MYLK2: variants seen among roughly 807,000 people sequenced by gnomAD.
MYLK2 encodes the protein myosin light chain kinase 2.
In MYLK2, 27 loss-of-function variants were observed where a neutral mutation model predicts 58.2. That is an observed-to-expected ratio of 0.46 (90% CI 0.34 to 0.64). The LOEUF (loss-of-function observed/expected upper bound fraction) is 0.64, where lower values mean the gene tolerates loss of function less well. Among genes scored for constraint, MYLK2 ranks in the 30% least tolerant of loss-of-function variants. MYLK2 has a pLI of 0.01. For synonymous variants in MYLK2, 310 were observed against 296.7 expected, an observed-to-expected ratio of 1.04 and a Z score of -0.46; for missense variants, 676 against 764.3, an observed-to-expected ratio of 0.88 and a Z score of 1.36.
intron 6 of MYLK2, among the ~76,000 whole-genome samples, chr20:31,824,961 G>A (rs557601029): frequency 1.3e-5 from 2 of 152,356 alleles, no homozygotes; most frequent in African/African-American, 2.4e-5. Context: ...AGGGGTCAGG[G>A]AAGCTTCCTG....
intron 5 of MYLK2, 158 bp from the exon 6 acceptor site, chr20:31,824,101 G>A (rs1600409307): frequency 6.1e-6 from 6 of 985,464 alleles, no homozygotes; most frequent in Non-Finnish European, 7.2e-6. Context: ...CACAGCTTCA[G>A]GAGGGAGTCA....
chr20:31,820,476 G>C lies in MYLK2; in HGVS notation c.403G>C (p.Gly135Arg), dbSNP rs750838459. Residue 135 changes from glycine to arginine, a missense_variant, in exon 3 of 13, where the codon GGC (glycine) becomes CGC (arginine). Physicochemically the swap from Gly to Arg is moderately radical, Grantham distance 125. This residue lies in a region of MYLK2 where 306 missense variants were observed against 296.5 expected (regional missense o/e 1.03). Transcript: ENST00000375985. ...CAGGGTGGGCAAGAAGGCAGCAGAG[G>C]GCCAAGCAGCAGCCAGGAGGGGCTC... ...KPRVGKKAAE[G>R]QAAARRGSPA... 3.1e-6 allele frequency: 5 copies of C among 1,610,120 alleles called. No individual in the cohort carries two copies. The highest frequency in any genetic ancestry group is 4.2e-6 in the Non-Finnish European group (5 of 1,180,014).
In MYLK2 at chr20:31,823,495, C is replaced by T. The variant is rs142620954; in HGVS notation, c.791C>T (p.Pro264Leu). The T allele has an allele frequency of 7.9e-4, 1,272 of 1,613,344 alleles. 14 individuals carry two copies. The highest frequency in any genetic ancestry group is 1.6e-4 in the Middle Eastern group (1 of 6,062). The change falls in exon 5 of 13, where the codon CCG (proline) becomes CTG (leucine). Residue 264 changes from proline (P) to leucine (L), a missense_variant. By Grantham distance (98) the Pro-to-Leu change is moderately conservative (BLOSUM62 -3). Coordinates refer to ENST00000375985, the MANE Select transcript of MYLK2 (RefSeq NM_033118.4). ...CCCCCAGATGATTGCCCGCCACCTC[C>T]GGCCCCCTTCCCTCACCGCATGGTG... is the stretch of plus-strand genomic sequence containing the variant. ...FQILDDCPPP[P>L]APFPHRMVEL...
rs2062246056 is a variant in MYLK2 at position 31,820,349 on chromosome 20, G to A, written c.276G>A (p.Gly92=). 1.2e-6 allele frequency: 2 copies of A among 1,612,724 alleles called. No individual in the cohort carries two copies. Among genetic ancestry groups the A allele is most frequent in the South Asian group, 1.1e-5 (1 of 91,062 alleles). ...RGGGPAEGSA[G]PPAALPQQTA... is the part of the protein sequence containing the mutation. ...GGGGGCCCGCGGAGGGCAGTGCTGG[G>A]CCCCCGGCAGCCCTGCCCCAGCAGA... is the stretch of plus-strand genomic sequence containing the variant. The change falls in exon 3 of 13, where the codon GGG becomes GGA. Residue 92 remains glycine, a synonymous_variant. Transcript: ENST00000375985.
chr20:31,823,873 G>T (rs2062264972), intron 5 of MYLK2: 1 of 895,132 alleles, frequency 1.1e-6, no homozygotes, highest in Non-Finnish European at 1.3e-6. Flanking sequence ...ACCCCCTCAT[G>T]GTGATTCCTG....
intron 5 of MYLK2, chr20:31,823,898 C>T (rs895418033): frequency 3.1e-6 from 3 of 977,912 alleles, no homozygotes; most frequent in Middle Eastern, 5.2e-4. Context: ...GTAAAAAGCC[C>T]TGACTCAGTC....
intron 5 of MYLK2, chr20:31,824,017 C>T (rs570973250): frequency 1.4e-4 from 134 of 985,442 alleles, no homozygotes; most frequent in Non-Finnish European, 1.5e-4. Context: ...CCTCCCTACA[C>T]GCCTGCTCTT....
chr20:31,831,257 TC>T, intron 10 of MYLK2, 116 bp downstream of exon 10: 1 of 1,471,624 alleles, frequency 6.8e-7, no homozygotes, highest in Non-Finnish European at 9.4e-7. Flanking sequence ...TATCCCTCAG[TC>T]AGGGGTTTGC....
rs773451333 is a variant in MYLK2, at chr20:31,834,612, G to C, written c.*815G>C. ...GATGATGGGGTCAGCAGGCCCAGGA[G>C]AATTAGGAAGGCCATGGGGCAGCCT... is the stretch of plus-strand genomic sequence containing the variant. On this transcript the variant is annotated 3_prime_UTR_variant, in exon 13 of 13. Coordinates refer to ENST00000375985, the MANE Select transcript of MYLK2 (RefSeq NM_033118.4). 6.5e-6 allele frequency: 1 copy of C among 152,720 alleles called. No individual in the cohort carries two copies. Among genetic ancestry groups the C allele is most frequent in the Non-Finnish European group, 1.5e-5 (1 of 68,082 alleles). The allele number at this position is 152,720 out of a possible 1,614,324, so 9.5% of individuals were successfully genotyped here.
At chr20:31,821,793 G>C (rs2062253500) in intron 4 of MYLK2, 56 bp downstream of exon 4, 2 of 1,516,248 alleles carry the variant, frequency 1.3e-6, no homozygotes, top group Admixed American at 4.0e-5. Flanking sequence ...GGAGGGAAGG[G>C]GGCTGTCAGT....
chr20:31,833,602 C>T, intron 12 of MYLK2, 115 bp from the exon 13 acceptor site: 2 of 958,246 alleles, frequency 2.1e-6, no homozygotes, highest in Non-Finnish European at 3.4e-6. Context: ...GGGCACTGCA[C>T]CTTCTCTAGC....
intron 4 of MYLK2, among the ~76,000 whole-genome samples, chr20:31,822,577 A>G (rs1225639048): frequency 3.3e-5 from 5 of 152,050 alleles, no homozygotes; most frequent in Admixed American, 6.5e-5. Flanking sequence ...GTGAATAGGG[A>G]AAGGGCCTGG....
intron 12 of MYLK2, 81 bp from the exon 13 acceptor site, chr20:31,833,636 G>A: frequency 1.6e-6 from 2 of 1,253,550 alleles, no homozygotes; most frequent in East Asian, 4.6e-5. Context: ...GGACTGAAGG[G>A]GACTTACAGG....
At chr20:31,828,500 T>C (rs1449091694) in intron 8 of MYLK2, 2 of 982,530 alleles carry the variant, frequency 2.0e-6, no homozygotes, top group East Asian at 1.1e-4. Flanking sequence ...GTGCTAGGCA[T>C]AGGGACTGTG....
At chr20:31,824,194 C>G in intron 5 of MYLK2, 65 bp from the exon 6 acceptor site, 2 of 1,572,064 alleles carry the variant, frequency 1.3e-6, no homozygotes, top group East Asian at 2.3e-5. Flanking sequence ...AGGATCAGAG[C>G]AAAGGATGCC....
At chr20:31,829,441 T>C (rs2062294790) in intron 8 of MYLK2, among the ~76,000 whole-genome samples, 1 of 152,166 alleles carries the variant, frequency 6.6e-6, no homozygotes, top group African/African-American at 2.4e-5. Flanking sequence ...CTTCTTTTCT[T>C]TCCTGTTTTG....
At chr20:31,828,743 G>A (rs1156365065) in intron 8 of MYLK2, 1 of 984,566 alleles carries the variant, frequency 1.0e-6, no homozygotes, top group East Asian at 1.1e-4. Context: ...CACTGTCTGA[G>A]TGAGGGTGCC....
At chr20:31,831,680 C>T (rs377136396) in intron 10 of MYLK2, 23 bp from the exon 11 acceptor site, 1 of 1,613,548 alleles carries the variant, frequency 6.2e-7, no homozygotes. Context: ...ACCTCCCTGC[C>T]CCCTGCTATC....
chr20:31,825,795 A>T (rs1414713261), intron 6 of MYLK2, among the ~76,000 whole-genome samples: 1 of 152,182 alleles, frequency 6.6e-6, no homozygotes, highest in Admixed American at 6.5e-5. Context: ...GTGTGGAGAG[A>T]GGCCCGATTT....
Sources: gnomAD v4.1 joint callset for allele counts (sites outside exome capture counted in the v4.1 genomes callset) on GRCh38, gnomAD v4.1.1 for gene constraint, gnomAD v4.1.1 regional missense constraint, MANE v1.5 for transcripts, NCBI Gene and HGNC (gene_info 2026-07-23, HGNC 2026-07-21) for gene names.